AGBL2: variants seen among roughly 807,000 people sequenced by gnomAD.
AGBL2 encodes AGBL carboxypeptidase 2, also known as cytosolic carboxypeptidase 2.
A neutral mutation model predicts 103.0 loss-of-function variants in AGBL2; 87 were observed. That is an observed-to-expected ratio of 0.84 (90% confidence interval 0.71 to 1.01). The LOEUF is 1.01. AGBL2 is among the 50% of genes least tolerant of loss of function. AGBL2 has a pLI of 0.00. For missense variants in AGBL2, 904 were observed against 1,023.5 expected (o/e 0.88, Z 1.59); for synonymous variants, 335 against 356.7 (o/e 0.94, Z 0.69).
At chr11:47,676,844 A>T (rs1272856732) in intron 14 of AGBL2, among the ~76,000 whole-genome samples, 1 of 150,574 alleles carries the variant, frequency 6.6e-6, no homozygotes, top group Non-Finnish European at 1.5e-5. Flanking sequence ...AGAAACTAAA[A>T]CCTGTCAAAC....
chr11:47,662,162 G>C (rs1264678763), intron 18 of AGBL2, among the ~76,000 whole-genome samples: 1 of 151,796 alleles, frequency 6.6e-6, no homozygotes, highest in African/African-American at 2.4e-5. Context: ...TTTTTTTAAA[G>C]TTTTTATATT....
intron 8 of AGBL2, among the ~76,000 whole-genome samples, chr11:47,695,349 A>G (rs1599031546): frequency 6.7e-6 from 1 of 149,452 alleles, no homozygotes; most frequent in African/African-American, 2.5e-5. Context: ...ATGGTAGGCA[A>G]CTATAATTCT....
chr11:47,711,276 G>A (rs2097535703), intron 3 of AGBL2, among the ~76,000 whole-genome samples: 1 of 151,960 alleles, frequency 6.6e-6, no homozygotes, highest in Admixed American at 6.6e-5. Flanking sequence ...AACCACTAAA[G>A]ATGAACCACC....
intron 18 of AGBL2, 116 bp from the exon 19 acceptor site, chr11:47,660,462 C>T: frequency 1.1e-6 from 1 of 916,300 alleles, no homozygotes; most frequent in Non-Finnish European, 1.6e-6. Flanking sequence ...GCATTTCTTC[C>T]CCAAATATAA....
chr11:47,712,645 T>G (rs1318423150), intron 3 of AGBL2, among the ~76,000 whole-genome samples: 2 of 152,248 alleles, frequency 1.3e-5, no homozygotes, highest in East Asian at 3.8e-4. Flanking sequence ...GGCTCACGCC[T>G]GTAATCCCAG....
intron 10 of AGBL2, 85 bp downstream of exon 10, chr11:47,689,991 A>T (rs980629128): frequency 2.5e-6 from 3 of 1,214,148 alleles, no homozygotes; most frequent in Admixed American, 4.8e-5. Context: ...TAACAACAGA[A>T]GAGACCTCAT....
intron 8 of AGBL2, among the ~76,000 whole-genome samples, chr11:47,695,444 C>CA (rs1220714037): frequency 7.1e-6 from 1 of 140,620 alleles, no homozygotes; most frequent in Non-Finnish European, 1.5e-5. Flanking sequence ...CACTGCACTC[C>CA]AGCCTGGGCG....
At chr11:47,681,424 G>A (rs2097400759) in intron 12 of AGBL2, among the ~76,000 whole-genome samples, 1 of 152,158 alleles carries the variant, frequency 6.6e-6, no homozygotes, top group Non-Finnish European at 1.5e-5. Context: ...TGTTAATGCA[G>A]CTGAAATTCA....
chr11:47,682,010 T>C lies in AGBL2; in HGVS notation c.1874A>G (p.Asn625Ser), dbSNP rs2097403253. The change falls in exon 12 of 19, where the codon AAC becomes AGC. Residue 625 changes from asparagine to serine, a missense_variant. Coordinates refer to ENST00000525123, the MANE Select transcript of AGBL2 (RefSeq NM_024783.4). ...AAAGGTAGACTCCATGGTGTAGCTG[T>C]TTAGGATTCCCATCCGCCACATAAC... is the stretch of plus-strand genomic sequence containing the variant. ...RVVMWRMGILNSYTMESTFGG... is the reference protein window; with the variant it reads ...RVVMWRMGILSSYTMESTFGG... The C allele has an allele frequency of 6.2e-7, 1 of 1,614,028 alleles. No homozygotes were observed. The highest frequency in any genetic ancestry group is 1.3e-5 in the African/African-American group (1 of 74,926).
chr11:47,696,010 C>CAAAAAA (rs1171058500), intron 8 of AGBL2, among the ~76,000 whole-genome samples: 9 of 17,210 alleles, frequency 5.2e-4, no homozygotes, highest in Non-Finnish European at 7.4e-4. Flanking sequence ...ACTAAAAATA[C>CAAAAAA]AAAAAAAAAA....
intron 11 of AGBL2, among the ~76,000 whole-genome samples, chr11:47,684,142 G>A (rs1201156230): frequency 2.6e-5 from 4 of 151,734 alleles, no homozygotes; most frequent in Non-Finnish European, 5.9e-5. Flanking sequence ...GCATGGTGGC[G>A]CCTGCCTGTA....
At chr11:47,707,176 G>A (rs1268398219) in intron 4 of AGBL2, among the ~76,000 whole-genome samples, 1 of 152,090 alleles carries the variant, frequency 6.6e-6, no homozygotes, top group African/African-American at 2.4e-5. Context: ...TCCCTGCCAG[G>A]AGCTTTAGCA....
intron 8 of AGBL2, among the ~76,000 whole-genome samples, chr11:47,696,328 T>A (rs1434810403): frequency 6.6e-6 from 1 of 152,060 alleles, no homozygotes; most frequent in Non-Finnish European, 1.5e-5. Context: ...AGTGGTGTGA[T>A]CTTGCCTCAC....
chr11:47,677,652 C>T (rs761677221), intron 13 of AGBL2, among the ~76,000 whole-genome samples: 1 of 152,058 alleles, frequency 6.6e-6, no homozygotes, highest in East Asian at 1.9e-4. Flanking sequence ...AGGGTTTCAC[C>T]ATATTGGTCA....
At chr11:47,683,202 C>T (rs921096395) in intron 11 of AGBL2, among the ~76,000 whole-genome samples, 2 of 151,876 alleles carry the variant, frequency 1.3e-5, no homozygotes, top group African/African-American at 4.8e-5. Context: ...GAAACCCCGA[C>T]TCTACTAAAA....
At chr11:47,689,054 G>C (rs112112145) in intron 10 of AGBL2, among the ~76,000 whole-genome samples, 5 of 152,180 alleles carry the variant, frequency 3.3e-5, no homozygotes, top group African/African-American at 1.2e-4. Flanking sequence ...CTTATATGCT[G>C]TATTTTCATT....
chr11:47,704,940 G>A (rs1002449115), intron 6 of AGBL2, among the ~76,000 whole-genome samples: 16 of 152,076 alleles, frequency 1.1e-4, no homozygotes, highest in African/African-American at 3.6e-4. Context: ...TCTATTAAAT[G>A]TTTAAATATA....
chr11:47,667,574 G>C lies in AGBL2; in HGVS notation c.2337C>G (p.Thr779=). The C allele has an allele frequency of 6.2e-7, 1 of 1,613,740 alleles. No homozygotes were observed. The highest frequency in any genetic ancestry group is 8.5e-7 in the Non-Finnish European group (1 of 1,179,932). Residue 779 remains threonine, a synonymous_variant, in exon 16 of 19, where the codon ACC becomes ACG. Transcript: ENST00000525123. Reference sequence around the variant, plus strand: ...ATAGCCAGCAAGTCTTTCTTACTGAGGTATCTTCTGTTAACTTTAACTTCT... The same window carrying C: ...ATAGCCAGCAAGTCTTTCTTACTGACGTATCTTCTGTTAACTTTAACTTCT... ...LMQKLKLTED[T]SEKAGFASTL...
At chr11:47,692,080 C>A in intron 9 of AGBL2, 23 bp downstream of exon 9, 1 of 1,600,026 alleles carries the variant, frequency 6.2e-7, no homozygotes, top group East Asian at 2.2e-5. Flanking sequence ...CAATTATCAT[C>A]CCTTTGAGAA....
Sources: allele counts gnomAD v4.1 joint callset (sites outside exome capture counted in the v4.1 genomes callset), GRCh38; gene constraint gnomAD v4.1.1; transcripts MANE v1.5; gene names NCBI Gene and HGNC (gene_info 2026-07-23, HGNC 2026-07-21).